The following CCDC30 variants were observed in gnomAD, a reference collection of about 807,000 sequenced individuals.
CCDC30 encodes the protein coiled-coil domain containing 30.
CCDC30 carries 70 observed loss-of-function variants against 100.2 expected under a neutral mutation model. The ratio of observed to expected loss-of-function variants is 0.70; its 90% CI spans 0.58 to 0.85. The LOEUF (loss-of-function observed/expected upper bound fraction) is 0.85. Among genes scored for constraint, CCDC30 ranks in the 40% least tolerant of loss-of-function variants. The pLI is 0.00. For synonymous variants in CCDC30, 233 were observed against 269.5 expected, an observed-to-expected ratio of 0.86 and a Z score of 1.33; for missense variants, 652 against 771.2, an observed-to-expected ratio of 0.85 and a Z score of 1.83.
At chr1:42,498,450 A>G (rs960579019) in intron 5 of CCDC30, among the ~76,000 whole-genome samples, 10 of 152,222 alleles carry the variant, frequency 6.6e-5, no homozygotes, top group Admixed American at 6.5e-5. Context: ...AATGGCTAAC[A>G]TGGTAAATTT....
intron 2 of CCDC30, among the ~76,000 whole-genome samples, chr1:42,481,345 GCAGACAGATCGC>G (rs1439253959): frequency 6.6e-6 from 1 of 151,998 alleles, no homozygotes; most frequent in Non-Finnish European, 1.5e-5. Flanking sequence ...GGAGGCCAAG[GCAGACAGATCGC>G]CTGAGGTCAG....
Position 42,596,675 on chromosome 1 carries a change from C to T in CCDC30, c.1164+7192C>T, listed in dbSNP as rs562521883. On this transcript the variant is annotated intron_variant, in intron 10 of 16. Transcript: ENST00000668663. The surrounding 1 kb of genome is among the most constrained non-coding windows in gnomAD (Gnocchi z 4.3). ...CTAACGGCCCATTTAACAGCAGTTT[C>T]CTCTACTCACTGCATCATGTTTCGC... 6.6e-6 allele frequency among the ~76,000 whole-genome samples: 1 copy of T among 152,084 alleles called. No homozygotes were observed. The highest frequency in any genetic ancestry group is 2.1e-4 in the South Asian group (1 of 4,818).
At chr1:42,589,538 T>G in intron 10 of CCDC30, 55 bp downstream of exon 14, 1 of 1,478,120 alleles carries the variant, frequency 6.8e-7, no homozygotes. Context: ...TAGTAACAGC[T>G]AATTATTATT....
intron 1 of CCDC30, among the ~76,000 whole-genome samples, chr1:42,476,892 T>G (rs1348343044): frequency 7.0e-6 from 1 of 142,414 alleles, no homozygotes; most frequent in Non-Finnish European, 1.5e-5. Flanking sequence ...AGTTTTTTTT[T>G]TTGTTTTTTT....
intron 2 of CCDC30, among the ~76,000 whole-genome samples, chr1:42,481,570 CT>C (rs1399445665): frequency 9.0e-6 from 1 of 110,502 alleles, no homozygotes; most frequent in Admixed American, 9.4e-5. Flanking sequence ...GAGCAAAACC[CT>C]GTCTCAAAAA....
At chr1:42,457,445 T>C in the CCDC30 span, 6 of 1,060,938 alleles carry the variant, frequency 5.7e-6, no homozygotes, top group African/African-American at 1.6e-5. Context: ...GCATCTGTAT[T>C]CGCTAGGCAC....
chr1:42,610,125 T>C (rs1324535427), intron 10 of CCDC30, among the ~76,000 whole-genome samples: 1 of 152,234 alleles, frequency 6.6e-6, no homozygotes, highest in Non-Finnish European at 1.5e-5. Flanking sequence ...CTCACAATCC[T>C]TGTAGTCCTC....
chr1:42,513,499 G>A (rs922593928), intron 6 of CCDC30, among the ~76,000 whole-genome samples: 3 of 152,112 alleles, frequency 2.0e-5, no homozygotes, highest in Admixed American at 1.3e-4. Context: ...AGATGGAGCC[G>A]CCATTTTGAT....
chr1:42,617,051 G>A (rs1303380033), intron 11 of CCDC30, among the ~76,000 whole-genome samples: 1 of 152,160 alleles, frequency 6.6e-6, no homozygotes, highest in Non-Finnish European at 1.5e-5. Flanking sequence ...AACAAAAGAT[G>A]CTTATAAAAG....
chr1:42,622,419 G>A (rs184677851), intron 11 of CCDC30, among the ~76,000 whole-genome samples: 7 of 152,218 alleles, frequency 4.6e-5, no homozygotes, highest in Non-Finnish European at 8.8e-5. Context: ...ATATCTCTTC[G>A]ATATACTGAT....
chr1:42,506,792 T>G (rs1644401166), intron 6 of CCDC30, among the ~76,000 whole-genome samples: 1 of 152,220 alleles, frequency 6.6e-6, no homozygotes, highest in African/African-American at 2.4e-5. Context: ...CACTTGATAT[T>G]ATGAAATGGA....
intron 6 of CCDC30, among the ~76,000 whole-genome samples, chr1:42,543,044 C>A (rs1023034199): frequency 1.3e-5 from 2 of 152,050 alleles, no homozygotes; most frequent in African/African-American, 4.8e-5. Flanking sequence ...ATAAAATTGT[C>A]TTTTACGTTC....
At chr1:42,553,310 A>G (rs1645292733) in intron 6 of CCDC30, among the ~76,000 whole-genome samples, 1 of 151,982 alleles carries the variant, frequency 6.6e-6, no homozygotes, top group Admixed American at 6.6e-5. Context: ...ACTCACAGCC[A>G]TGTCGTTCCT....
At chr1:42,474,169 AG>A (rs1643851076) in intron 1 of CCDC30, among the ~76,000 whole-genome samples, 1 of 152,230 alleles carries the variant, frequency 6.6e-6, no homozygotes, top group South Asian at 2.1e-4. Context: ...AGAAGAATGC[AG>A]CTCCTTTAGA....
At chr1:42,517,676 C>T (rs1315697440) in intron 6 of CCDC30, among the ~76,000 whole-genome samples, 1 of 152,098 alleles carries the variant, frequency 6.6e-6, no homozygotes, top group Admixed American at 6.5e-5. Flanking sequence ...ACTTTCTTTC[C>T]TCCATCGTCT....
intron 15 of CCDC30, 74 bp downstream of exon 19, chr1:42,646,391 TC>T (rs1647885270): frequency 7.6e-7 from 1 of 1,323,404 alleles, no homozygotes; most frequent in Non-Finnish European, 9.7e-7. Context: ...TTGGAAAATC[TC>T]TCAACTTATG....
chr1:42,580,715 T>G, intron 8 of CCDC30: 1 of 339,616 alleles, frequency 2.9e-6, no homozygotes, highest in South Asian at 2.5e-5. Flanking sequence ...CAGTCTCTCT[T>G]TCAAATTTGT....
intron 14 of CCDC30, among the ~76,000 whole-genome samples, 157 bp from the exon 19 acceptor site, chr1:42,645,978 C>T (rs1275791082): frequency 6.6e-6 from 1 of 152,108 alleles, no homozygotes; most frequent in Non-Finnish European, 1.5e-5. Context: ...AATAGCTTTG[C>T]GATCCATATT....
chr1:42,576,981 C>T, intron 7 of CCDC30, 39 bp from the exon 12 acceptor site: 1 of 1,459,238 alleles, frequency 6.9e-7, no homozygotes, highest in Non-Finnish European at 9.5e-7. Context: ...ATTCATTCCA[C>T]ACTTATTTGT....
Sources: gnomAD v4.1 joint callset for allele counts (sites outside exome capture counted in the v4.1 genomes callset) on GRCh38, gnomAD v4.1.1 for gene constraint, Gnocchi (gnomAD v3.1) non-coding constraint, MANE v1.5 for transcripts, NCBI Gene and HGNC (gene_info 2026-07-23, HGNC 2026-07-21) for gene names.